Variants in GALNT17 observed in about 807,000 individuals in gnomAD.
GALNT17 encodes polypeptide N-acetylgalactosaminyltransferase 17.
Under a neutral mutation model 63.7 loss-of-function variants are expected in GALNT17, and 29 were observed. The ratio of observed to expected loss-of-function variants is 0.46; its 90% CI spans 0.34 to 0.62. The LOEUF (loss-of-function observed/expected upper bound fraction) is 0.62, where lower values mean the gene tolerates loss of function less well. GALNT17 is among the 20% of genes least tolerant of loss of function. The probability of loss-of-function intolerance (pLI) is 0.01; values close to 1 mark genes in which losing one functional copy is unlikely to be tolerated. For synonymous variants in GALNT17, 305 were observed against 318.3 expected (o/e 0.96, Z 0.45); for missense variants, 603 against 799.6 (o/e 0.75, Z 2.97).
chr7:71,698,428 A>G (rs149929352), intron 9 of GALNT17, among the ~76,000 whole-genome samples: 17 of 152,310 alleles, frequency 1.1e-4, no homozygotes, highest in African/African-American at 3.8e-4. Flanking sequence ...AACAAGGGAG[A>G]TATAACCAAA....
At chr7:71,245,706 G>A (rs1216590795) in intron 1 of GALNT17, among the ~76,000 whole-genome samples, 6 of 152,142 alleles carry the variant, frequency 3.9e-5, no homozygotes, top group African/African-American at 1.4e-4. Flanking sequence ...AGTTCTGTGT[G>A]TAAATTAGTA....
intron 5 of GALNT17, among the ~76,000 whole-genome samples, chr7:71,450,446 A>T (rs1787241395): frequency 6.6e-6 from 1 of 152,158 alleles, no homozygotes; most frequent in African/African-American, 2.4e-5. Context: ...TGAAAATTTT[A>T]ACCCTCAGTG....
chr7:71,247,886 A>C (rs1260591673), intron 1 of GALNT17, among the ~76,000 whole-genome samples: 3 of 152,238 alleles, frequency 2.0e-5, no homozygotes, highest in African/African-American at 7.2e-5. Flanking sequence ...AATGTTTTTA[A>C]GAAAATCGTA....
intron 1 of GALNT17, among the ~76,000 whole-genome samples, chr7:71,286,575 G>A (rs1010953370): frequency 6.6e-6 from 1 of 152,224 alleles, no homozygotes; most frequent in South Asian, 2.1e-4. Context: ...CTCAGGAGGA[G>A]CCTTTGCCGC....
rs952336288 is a variant in GALNT17 at position 71,441,446 on chromosome 7, C to A, written c.962+20341C>A. ...TTCCATTTTTCATCCTGTTGACCCT[C>A]CACAGTTTTTTTTCTTTTTCTTTTT... On this transcript the variant is annotated intron_variant, in intron 5 of 10. Coordinates refer to ENST00000333538, the MANE Select transcript of GALNT17 (RefSeq NM_022479.3). Among the ~76,000 whole-genome samples the A allele has an allele frequency of 3.9e-5, 6 of 152,262 alleles. No individual in the cohort carries two copies. In the South Asian group the frequency reaches 8.3e-4, roughly 21 times the overall value.
chr7:71,525,935 T>C (rs1350357107), intron 5 of GALNT17, among the ~76,000 whole-genome samples: 1 of 151,902 alleles, frequency 6.6e-6, no homozygotes, highest in Non-Finnish European at 1.5e-5. Flanking sequence ...AAACAGGATT[T>C]TGCCATGTTG....
In GALNT17 at chr7:71,401,691, G is replaced by A. The variant is rs538131745; in HGVS notation, c.589+13290G>A. ...CCCTATTGTGAGCTGCACATGTGAG[G>A]AATCTAGGTTGCGCGCTCCTTATGA... On this transcript the variant is annotated intron_variant, in intron 3 of 10. Transcript: ENST00000333538. Among the ~76,000 whole-genome samples, 8 of 152,254 alleles carry A rather than the reference G, an allele frequency of 5.3e-5. No individual in the cohort carries two copies. In the East Asian group the frequency reaches 1.4e-3, roughly 26 times the overall value.
At chr7:71,696,693 A>G (rs1791550736) in intron 9 of GALNT17, among the ~76,000 whole-genome samples, 2 of 152,212 alleles carry the variant, frequency 1.3e-5, no homozygotes, top group Non-Finnish European at 2.9e-5. Context: ...CTTTCCCCCT[A>G]AATGAGAATT....
chr7:71,376,872 G>C (rs1371243831), intron 2 of GALNT17, among the ~76,000 whole-genome samples: 1 of 151,316 alleles, frequency 6.6e-6, no homozygotes, highest in East Asian at 2.0e-4. Flanking sequence ...GATCAGTTGA[G>C]GTCAGGAGTT....
intron 1 of GALNT17, among the ~76,000 whole-genome samples, chr7:71,200,692 C>T (rs1288030121): frequency 6.6e-6 from 1 of 152,064 alleles, no homozygotes; most frequent in Non-Finnish European, 1.5e-5. Flanking sequence ...TCTCACATTA[C>T]ATTATTTAGT....
intron 3 of GALNT17, among the ~76,000 whole-genome samples, chr7:71,401,761 A>G (rs1207294099): frequency 6.6e-6 from 1 of 152,146 alleles, no homozygotes; most frequent in Non-Finnish European, 1.5e-5. Context: ...GCACCCCCAG[A>G]TGGGATCATC....
chr7:71,362,666 CT>C (rs1202599546), intron 2 of GALNT17, among the ~76,000 whole-genome samples: 3 of 152,092 alleles, frequency 2.0e-5, no homozygotes, highest in Non-Finnish European at 4.4e-5. Flanking sequence ...GGCCAAGATG[CT>C]GATTTAGTGG....
chr7:71,214,896 G>A (rs1012718555), intron 1 of GALNT17, among the ~76,000 whole-genome samples: 1 of 152,106 alleles, frequency 6.6e-6, no homozygotes, highest in Non-Finnish European at 1.5e-5. Flanking sequence ...AAGCTTCACA[G>A]ACACCCTTCA....
At chr7:71,685,259 G>T (rs146792772) in intron 9 of GALNT17, among the ~76,000 whole-genome samples, 93 of 152,236 alleles carry the variant, frequency 6.1e-4, no homozygotes, top group African/African-American at 1.7e-3. Context: ...GCAGAAGCAG[G>T]TGGTTCAGGG....
chr7:71,162,737 G>A (rs116799427), intron 1 of GALNT17, among the ~76,000 whole-genome samples: 1 of 152,200 alleles, frequency 6.6e-6, no homozygotes, highest in South Asian at 2.1e-4. Context: ...GACACAGTTA[G>A]TGATGATGCA....
chr7:71,664,228 C>T (rs868297746), intron 6 of GALNT17, among the ~76,000 whole-genome samples: 8 of 152,114 alleles, frequency 5.3e-5, no homozygotes, highest in African/African-American at 1.9e-4. Flanking sequence ...TAATAGCAAG[C>T]GACAGCTGCT....
chr7:71,626,252 A>AAG (rs2116980532), intron 6 of GALNT17, among the ~76,000 whole-genome samples: 1 of 151,672 alleles, frequency 6.6e-6, no homozygotes, highest in Admixed American at 6.6e-5. Flanking sequence ...AAAAAAAAAA[A>AAG]AAAGAAGGGA....
At chr7:71,326,434 TG>T (rs1385287392) in intron 1 of GALNT17, among the ~76,000 whole-genome samples, 1 of 152,156 alleles carries the variant, frequency 6.6e-6, no homozygotes, top group Non-Finnish European at 1.5e-5. Context: ...CACTCCAGCC[TG>T]GGTGACAGAG....
chr7:71,595,791 C>T (rs893834997), intron 6 of GALNT17, among the ~76,000 whole-genome samples: 2 of 151,986 alleles, frequency 1.3e-5, no homozygotes, highest in African/African-American at 2.4e-5. Context: ...AGATATTCTC[C>T]CAGTTCCAAT....
Sources: allele counts gnomAD v4.1 joint callset (sites outside exome capture counted in the v4.1 genomes callset), GRCh38; gene constraint gnomAD v4.1.1; transcripts MANE v1.5; gene names NCBI Gene and HGNC (gene_info 2026-07-23, HGNC 2026-07-21).